DBN1: variants seen among roughly 807,000 people sequenced by gnomAD.
DBN1 encodes the protein drebrin 1, also known as drebrin.
In DBN1, 21 loss-of-function variants were observed where a neutral mutation model predicts 83.5. That is an observed-to-expected ratio of 0.25 (90% CI 0.18 to 0.36). The LOEUF (loss-of-function observed/expected upper bound fraction) is 0.36. Among genes scored for constraint, DBN1 ranks in the 10% least tolerant of loss-of-function variants. The pLI is 1.00. For synonymous variants in DBN1, 381 were observed against 384.9 expected (o/e 0.99, Z 0.12); for missense variants, 874 against 935.7 (o/e 0.93, Z 0.86).
intron 2 of DBN1, 197 bp from the exon 3 acceptor site, chr5:177,468,417 A>G: frequency 1.7e-6 from 1 of 592,698 alleles, no homozygotes; most frequent in Non-Finnish European, 3.0e-6. Context: ...TTTGCCTGTG[A>G]CTCCTGCAGG....
At chr5:177,459,370 G>A (rs1263953917) in intron 11 of DBN1, 102 bp from the exon 12 acceptor site, 1 of 1,508,236 alleles carries the variant, frequency 6.6e-7, no homozygotes, top group Non-Finnish European at 8.8e-7. Context: ...TGGAATCTGG[G>A]TGGGGGCTGG....
intron 1 of DBN1, among the ~76,000 whole-genome samples, chr5:177,471,184 C>T (rs1004769911): frequency 2.0e-5 from 3 of 151,812 alleles, no homozygotes; most frequent in African/African-American, 4.8e-5. Flanking sequence ...GAGCTGGAGT[C>T]GGGGGCTGAG....
At chr5:177,470,683 C>G (rs894824831) in intron 1 of DBN1, among the ~76,000 whole-genome samples, 7 of 152,206 alleles carry the variant, frequency 4.6e-5, no homozygotes, top group African/African-American at 1.7e-4. Context: ...CTCTACCCCA[C>G]GCCTATTCCC....
intron 13 of DBN1, 30 bp from the exon 14 acceptor site, chr5:177,457,787 C>T: frequency 6.9e-7 from 1 of 1,458,152 alleles, no homozygotes; most frequent in Non-Finnish European, 9.6e-7. Flanking sequence ...GTCACTTGGC[C>T]CCACCCAGCA....
In DBN1 at chr5:177,460,548, G is replaced by A. The variant is rs1756949230; in HGVS notation, c.839C>T (p.Ala280Val). 2 of 1,614,174 alleles carry A rather than the reference G, an allele frequency of 1.2e-6. No homozygotes were observed. The highest frequency in any genetic ancestry group is 2.2e-5 in the East Asian group (1 of 44,880). ...KKSESEVEEAAAIIAQRPDNP... is the reference protein window; with the variant it reads ...KKSESEVEEAVAIIAQRPDNP... Reference sequence around the variant, plus strand: ...GTCAGGCCGCTGGGCAATAATAGCTGCTGCCTCCTGAGGGCACGAGGAAAA... The same window carrying A: ...GTCAGGCCGCTGGGCAATAATAGCTACTGCCTCCTGAGGGCACGAGGAAAA... Residue 280 changes from alanine (A) to valine (V), a missense_variant, in exon 10 of 15, where the codon GCA (alanine) becomes GTA (valine). This residue lies in a region of DBN1 where 725 missense variants were observed against 719.7 expected (regional missense o/e 1.01). Coordinates refer to ENST00000393565, the MANE Select transcript of DBN1 (RefSeq NM_001363541.2).
chr5:177,468,766 A>T, intron 2 of DBN1, 78 bp downstream of exon 2: 1 of 1,029,826 alleles, frequency 9.7e-7, no homozygotes, highest in Non-Finnish European at 1.3e-6. Context: ...GAGGTGGCCT[A>T]CAGCCAGGTG....
rs756606770 is a variant in DBN1 at position 177,472,188 on chromosome 5, C to T, written c.86+1248G>A. 4 of 1,613,696 alleles carry T rather than the reference C, an allele frequency of 2.5e-6. No homozygotes were observed. In the African/African-American group the frequency reaches 5.3e-5, roughly 22 times the overall value. On this transcript the variant is annotated intron_variant, in intron 1 of 14. Transcript: ENST00000393565. The stretch of plus-strand genomic sequence containing the variant: ...CTGGCTGCTGGCCAGTGCTGCAGTA[C>T]CATGCCATGGATGCCCAGCCATCTC...
At position 177,457,217 on chromosome 5, in the gene DBN1, C is replaced by A; in HGVS notation, c.*216G>T. 1 of 576,758 alleles carries A rather than the reference C, an allele frequency of 1.7e-6. No individual in the cohort carries two copies. 35.7% of individuals were successfully genotyped at this position (576,758 alleles called of 1,614,324 possible). On this transcript the variant is annotated 3_prime_UTR_variant, in exon 15 of 15. Transcript: ENST00000393565. ...AACTACCAACGAGAGGAAAGCCAGTCAACTGTACAAGTCTCCTATCAACTT... is the reference window on the plus strand; with the variant it reads ...AACTACCAACGAGAGGAAAGCCAGTAAACTGTACAAGTCTCCTATCAACTT...
At chr5:177,462,642 G>C (rs1429623914) in intron 8 of DBN1, among the ~76,000 whole-genome samples, 2 of 152,200 alleles carry the variant, frequency 1.3e-5, no homozygotes, top group Non-Finnish European at 2.9e-5. Context: ...CTTAGTCGGT[G>C]TCCCCTGCTG....
At chr5:177,468,294 A>ATT in intron 2 of DBN1, 74 bp from the exon 3 acceptor site, 1 of 1,372,014 alleles carries the variant, frequency 7.3e-7, no homozygotes, top group Non-Finnish European at 1.0e-6. Flanking sequence ...AACTCAAAGC[A>ATT]AAGACTCCTC....
Position 177,458,587 on chromosome 5 carries a change from C to A in DBN1, c.1385G>T (p.Ser462Ile). ...CATGAACATCAAGTCCTCTGCAGGG[C>A]TGCCTGGCCCCCGGGGAGGCGCCTG... The part of the protein sequence containing the change: ...QAQAPPRGPG[S>I]PAEDLMFMES... The change falls in exon 13 of 15, where the codon AGC becomes ATC. Residue 462 changes from serine (S) to isoleucine (I), a missense_variant. By Grantham distance (142) the Ser-to-Ile change is moderately radical. Around this residue, in one of 4 missense-constraint regions of DBN1, gnomAD observed 725 missense variants for 719.7 expected, o/e 1.01. Coordinates refer to ENST00000393565, the MANE Select transcript of DBN1 (RefSeq NM_001363541.2). 1.2e-6 allele frequency: 2 copies of A among 1,613,580 alleles called. No homozygotes were observed. The highest frequency in any genetic ancestry group is 2.2e-5 in the East Asian group (1 of 44,886).
At chr5:177,464,272 CCT>C (rs1757251510) in intron 8 of DBN1, among the ~76,000 whole-genome samples, 2 of 150,552 alleles carry the variant, frequency 1.3e-5, no homozygotes, top group Admixed American at 1.3e-4. Flanking sequence ...ACGGTGAAAC[CCT>C]GTCTCTACTA....
intron 11 of DBN1, 87 bp downstream of exon 11, chr5:177,459,516 G>GGT (rs1322684155): frequency 4.3e-6 from 6 of 1,386,128 alleles, no homozygotes; most frequent in Non-Finnish European, 5.7e-6. Context: ...AGAGATCAGC[G>GGT]GTCAGACTGG....
Position 177,459,129 on chromosome 5 carries a change from T to C in DBN1, c.1233A>G (p.Pro411=), listed in dbSNP as rs754561090. 25 of 1,609,854 alleles carry C rather than the reference T, an allele frequency of 1.6e-5. No individual in the cohort carries two copies. In the East Asian group the frequency reaches 2.7e-4, roughly 17 times the overall value. The change falls in exon 12 of 15, where the codon CCA becomes CCG. Residue 411 remains proline (P), a synonymous_variant. Coordinates refer to ENST00000393565, the MANE Select transcript of DBN1 (RefSeq NM_001363541.2). ...CTGGTGGGGGTGGCGGTGGCAGTGG[T>C]GGAGGCTGCGAGGAGGTGACCTCAT... ...ALDEVTSSQP[P]PLPPPPPPAQ...
At chr5:177,472,988 C>T (rs1405520839) in intron 1 of DBN1, 36 of 299,398 alleles carry the variant, frequency 1.2e-4, no homozygotes, top group Non-Finnish European at 1.7e-4. Context: ...CCGGGCTGAG[C>T]CGGGCAGGCT....
chr5:177,462,725 T>C (rs1757139921), intron 8 of DBN1, among the ~76,000 whole-genome samples: 1 of 152,212 alleles, frequency 6.6e-6, no homozygotes, highest in Admixed American at 6.5e-5. Context: ...TTTGAGCCTA[T>C]AATCTAAAAT....
chr5:177,472,139 T>A (rs1348769957), intron 1 of DBN1: 1 of 1,611,948 alleles, frequency 6.2e-7, no homozygotes. Flanking sequence ...CGAGAGCTTG[T>A]CTCTCGCGTC....
rs180961453 is a variant in DBN1, at chr5:177,458,284, G to A, written c.1688C>T (p.Pro563Leu). ...AEVPLLDEVA[P>L]EPLLPAGEGC... ...TTCGCCTGCTGGCAGCAGTGGCTCC[G>A]GAGCCACCTCATCCAGCAGGGGCAC... Residue 563 changes from proline (P) to leucine (L), a missense_variant, in exon 13 of 15, where the codon CCG (proline) becomes CTG (leucine). Pro to Leu is a moderately conservative substitution (Grantham distance 98, BLOSUM62 -3). This residue lies in a region of DBN1 where 725 missense variants were observed against 719.7 expected (regional missense o/e 1.01). Coordinates refer to ENST00000393565, the MANE Select transcript of DBN1 (RefSeq NM_001363541.2). 492 of 1,613,594 alleles carry A rather than the reference G, an allele frequency of 3.0e-4. 3 individuals are homozygous for A. In the East Asian group the frequency reaches 0.01, roughly 33 times the overall value.
At chr5:177,470,964 G>GGCA (rs1757802356) in intron 1 of DBN1, among the ~76,000 whole-genome samples, 1 of 152,238 alleles carries the variant, frequency 6.6e-6, no homozygotes, top group African/African-American at 2.4e-5. Context: ...GCCTGGTGAA[G>GGCA]GCAGGAACGC....
Sources: gnomAD v4.1 joint callset for allele counts (sites outside exome capture counted in the v4.1 genomes callset) on GRCh38, gnomAD v4.1.1 for gene constraint, gnomAD v4.1.1 regional missense constraint, MANE v1.5 for transcripts, NCBI Gene and HGNC (gene_info 2026-07-23, HGNC 2026-07-21) for gene names.